LRFN5: variants seen among roughly 807,000 people sequenced by gnomAD.
LRFN5 encodes leucine-rich repeat and fibronectin type-III domain-containing protein 5.
Under a neutral mutation model 45.6 loss-of-function variants are expected in LRFN5, and 24 were observed. The observed-to-expected ratio is 0.53, with a 90% CI of 0.38 to 0.74. The LOEUF is 0.74. Ranked by LOEUF, LRFN5 falls within the 30% of genes least tolerant of loss-of-function variation. The pLI is 0.00. For missense variants in LRFN5, 776 were observed against 861.5 expected, an observed-to-expected ratio of 0.90 and a Z score of 1.24; for synonymous variants, 340 against 313.8, an observed-to-expected ratio of 1.08 and a Z score of -0.88.
At chr14:41,720,010 T>G (rs1883650368) in intron 1 of LRFN5, among the ~76,000 whole-genome samples, 1 of 152,056 alleles carries the variant, frequency 6.6e-6, no homozygotes, top group African/African-American at 2.4e-5. Flanking sequence ...GGGGTACATG[T>G]GCAGGTTTGT....
chr14:41,671,617 G>GTTTTTTTTTTTTTTTTGTTTTTTTTTTT (rs1881226780), intron 1 of LRFN5, among the ~76,000 whole-genome samples: 1 of 78,004 alleles, frequency 1.3e-5, no homozygotes, highest in Non-Finnish European at 2.3e-5. Context: ...TTTTTTTTTC[G>GTTTTTTTTTTTTTTTTGTTTTTTTTTTT]TTTTTTTTTT....
chr14:41,860,548 A>G (rs952052848), intron 2 of LRFN5, among the ~76,000 whole-genome samples: 1 of 152,366 alleles, frequency 6.6e-6, no homozygotes, highest in Admixed American at 6.5e-5. Flanking sequence ...CACACAATAT[A>G]TATTATTTCT....
intron 2 of LRFN5, among the ~76,000 whole-genome samples, chr14:41,863,301 T>A (rs537290410): frequency 1.2e-4 from 19 of 152,228 alleles, no homozygotes; most frequent in Non-Finnish European, 2.4e-4. Flanking sequence ...TTTATTATAC[T>A]ATTTTACTTG....
Position 41,707,248 on chromosome 14 carries a change from T to C in LRFN5, c.-196-59606T>C, listed in dbSNP as rs1883104487. Reference sequence around the variant, plus strand: ...AGGTCAGAGGCATTCTCTGCCATGCTTATCCTTTTCCTACATTACTATTGG... The same window carrying C: ...AGGTCAGAGGCATTCTCTGCCATGCCTATCCTTTTCCTACATTACTATTGG... On this transcript the variant is annotated intron_variant, in intron 1 of 5. Transcript: ENST00000298119. Among the ~76,000 whole-genome samples the C allele has an allele frequency of 2.0e-5, 3 of 152,216 alleles. No homozygotes were observed. In the South Asian group the frequency reaches 6.2e-4, roughly 32 times the overall value.
chr14:41,890,963 A>C (rs1045733964), intron 3 of LRFN5, among the ~76,000 whole-genome samples: 4 of 151,942 alleles, frequency 2.6e-5, no homozygotes, highest in African/African-American at 9.7e-5. Context: ...ATTTGTCATC[A>C]ATGTTTTTTT....
intron 1 of LRFN5, among the ~76,000 whole-genome samples, chr14:41,754,243 T>C (rs2086346310): frequency 6.6e-6 from 1 of 152,116 alleles, no homozygotes; most frequent in African/African-American, 2.4e-5. Flanking sequence ...GTTGTGTCTC[T>C]GCCAGGCTTT....
At position 41,777,475 on chromosome 14, in the gene LRFN5, TA is replaced by T. The variant is rs1429871467; in HGVS notation, c.-21+10448del. Among the ~76,000 whole-genome samples the T allele has an allele frequency of 1.3e-4, 20 of 151,878 alleles. 1 individual carries two copies. Among genetic ancestry groups the T allele is most frequent in the African/African-American group, 4.3e-4 (18 of 41,430 alleles). On this transcript the variant is annotated intron_variant, in intron 2 of 5. Coordinates refer to ENST00000298119, the MANE Select transcript of LRFN5 (RefSeq NM_152447.5). ...TTTTTACATTGATTTGTCTGAGCAG[TA>T]ACATTGCTTTTTATCATTATCTCTT...
At chr14:41,635,868 T>C (rs1879283047) in intron 1 of LRFN5, among the ~76,000 whole-genome samples, 1 of 152,116 alleles carries the variant, frequency 6.6e-6, no homozygotes, top group East Asian at 1.9e-4. Context: ...CCAGAATCTG[T>C]CCATACTAGT....
At chr14:41,624,520 G>A (rs1399130830) in intron 1 of LRFN5, among the ~76,000 whole-genome samples, 1 of 152,114 alleles carries the variant, frequency 6.6e-6, no homozygotes, top group Non-Finnish European at 1.5e-5. Context: ...AGGTAGAGCA[G>A]ATTTATTGTA....
chr14:41,831,448 AATAT>A (rs1888477615), intron 2 of LRFN5, among the ~76,000 whole-genome samples: 1 of 152,224 alleles, frequency 6.6e-6, no homozygotes, highest in South Asian at 2.1e-4. Flanking sequence ...ACAGATATAT[AATAT>A]AAACACTCAA....
chr14:41,862,136 G>A (rs536246417), intron 2 of LRFN5, among the ~76,000 whole-genome samples: 2 of 152,316 alleles, frequency 1.3e-5, no homozygotes, highest in Non-Finnish European at 2.9e-5. Flanking sequence ...ATGCAGAACT[G>A]TGAGTCAATT....
intron 2 of LRFN5, among the ~76,000 whole-genome samples, chr14:41,880,026 C>A (rs997461182): frequency 6.8e-6 from 1 of 147,526 alleles, no homozygotes; most frequent in Non-Finnish European, 1.5e-5. Context: ...CTCCTGGGTT[C>A]GCGTCAGTCT....
intron 1 of LRFN5, among the ~76,000 whole-genome samples, chr14:41,729,442 C>G (rs1884075675): frequency 6.6e-6 from 1 of 152,008 alleles, no homozygotes; most frequent in Admixed American, 6.6e-5. Context: ...AACCATGAGC[C>G]AATTAAACCT....
chr14:41,899,018 T>C (rs1444123728), intron 5 of LRFN5, 58 bp downstream of exon 5: 3 of 1,343,774 alleles, frequency 2.2e-6, no homozygotes, highest in Admixed American at 2.4e-5. Context: ...ACACTTTTTA[T>C]AAATTAACTT....
chr14:41,622,715 A>G (rs1452673580), intron 1 of LRFN5, among the ~76,000 whole-genome samples: 1 of 152,096 alleles, frequency 6.6e-6, no homozygotes, highest in Non-Finnish European at 1.5e-5. Flanking sequence ...ATTTTTCTTA[A>G]AAGTCTTAGG....
chr14:41,886,765 C>T lies in LRFN5; in HGVS notation c.140C>T (p.Pro47Leu). Residue 47 changes from proline (P) to leucine (L), a missense_variant, in exon 3 of 6, where the codon CCA (proline) becomes CTA (leucine). Around this residue, in one of 2 missense-constraint regions of LRFN5, gnomAD observed 311 missense variants for 405.1 expected, o/e 0.77. Coordinates refer to ENST00000298119, the MANE Select transcript of LRFN5 (RefSeq NM_152447.5). Reference protein sequence around the residue: ...CAKKGLLFVPPNIDRRTVELR... With the variant: ...CAKKGLLFVPLNIDRRTVELR... ...AAGAAAGGGCTTTTATTTGTTCCAC[C>T]AAACATTGACAGAAGAACTGTGGAA... The T allele has an allele frequency of 1.2e-6, 2 of 1,614,028 alleles. No homozygotes were observed. The highest frequency in any genetic ancestry group is 1.7e-6 in the Non-Finnish European group (2 of 1,180,004).
rs904797032 is a variant in LRFN5 at position 41,733,264 on chromosome 14, A to G, written c.-196-33590A>G. Among the ~76,000 whole-genome samples, 3 of 152,244 alleles carry G rather than the reference A, an allele frequency of 2.0e-5. No individual in the cohort carries two copies. In the East Asian group the frequency reaches 5.8e-4, roughly 29 times the overall value. ...GTGGGATGAACTCAAAGACAGCCAC[A>G]CCTAAATACATTATATAATCAAACT... On this transcript the variant is annotated intron_variant, in intron 1 of 5. Transcript: ENST00000298119.
intron 2 of LRFN5, among the ~76,000 whole-genome samples, chr14:41,871,982 T>C (rs904619513): frequency 6.6e-6 from 1 of 152,184 alleles, no homozygotes; most frequent in Non-Finnish European, 1.5e-5. Context: ...GAATGTGGGC[T>C]CAATGGCTTT....
chr14:41,819,966 T>A (rs950866343), intron 2 of LRFN5, among the ~76,000 whole-genome samples: 18 of 150,300 alleles, frequency 1.2e-4, no homozygotes, highest in Admixed American at 1.1e-3. Flanking sequence ...TTTGTTTTTT[T>A]TTTTATTTTT....
Sources: allele counts gnomAD v4.1 joint callset (sites outside exome capture counted in the v4.1 genomes callset), GRCh38; gene constraint gnomAD v4.1.1; regional missense constraint gnomAD v4.1.1; transcripts MANE v1.5; gene names NCBI Gene and HGNC (gene_info 2026-07-23, HGNC 2026-07-21).